Variants in RUVBL2 observed in about 807,000 individuals in gnomAD.
The protein encoded by RUVBL2 is ruvB-like 2.
Under a neutral mutation model 57.9 loss-of-function variants are expected in RUVBL2, and 9 were observed. The observed-to-expected ratio is 0.16, with a 90% CI of 0.09 to 0.27. The LOEUF (loss-of-function observed/expected upper bound fraction) is 0.27. Ranked by LOEUF, RUVBL2 falls within the 10% of genes least tolerant of loss-of-function variation. RUVBL2 has a pLI of 1.00. For synonymous variants in RUVBL2, 278 were observed against 264.6 expected, an observed-to-expected ratio of 1.05 and a Z score of -0.49; for missense variants, 456 against 669.6, an observed-to-expected ratio of 0.68 and a Z score of 3.52.
At chr19:49,015,204 T>C in intron 13 of RUVBL2, 54 bp downstream of exon 13, 1 of 1,583,702 alleles carries the variant, frequency 6.3e-7, no homozygotes, top group Non-Finnish European at 8.6e-7. Flanking sequence ...AGTGACACAG[T>C]ACTTCAGGGG....
chr19:49,010,467 T>TGGCGCCCC, intron 8 of RUVBL2, 21 bp from the exon 9 acceptor site: 1 of 1,401,208 alleles, frequency 7.1e-7, no homozygotes, highest in South Asian at 1.2e-5. Context: ...CCGCCGTTCT[T>TGGCGCCCC]CCCCCACCCC....
At position 49,011,115 on chromosome 19, in the gene RUVBL2, G is replaced by T. The variant is rs375746995; in HGVS notation, c.882+22G>T. 1 of 1,608,826 alleles carries T rather than the reference G, an allele frequency of 6.2e-7. No homozygotes were observed. The highest frequency in any genetic ancestry group is 8.5e-7 in the Non-Finnish European group (1 of 1,177,632). ...TGGAGTGAGGACCCAGGACATGGCCGGGGCGGGTGGTGGGGTGGAGGTGGG... is the reference window on the plus strand; with the variant it reads ...TGGAGTGAGGACCCAGGACATGGCCTGGGCGGGTGGTGGGGTGGAGGTGGG... On this transcript the variant is annotated intron_variant, in intron 10 of 14. Transcript: ENST00000595090. This position sits in a 1 kb window ranked among gnomAD's most constrained non-coding sequence, Gnocchi z 4.4.
chr19:49,001,364 G>A (rs1256477752), intron 2 of RUVBL2: 2 of 150,948 alleles, frequency 1.3e-5, no homozygotes, highest in East Asian at 2.0e-4. Context: ...GAGTTTCCCC[G>A]TGTTAGCCAG....
intron 1 of RUVBL2, among the ~76,000 whole-genome samples, chr19:48,998,731 A>G (rs2039116248): frequency 6.7e-6 from 1 of 149,476 alleles, no homozygotes; most frequent in Non-Finnish European, 1.5e-5. Flanking sequence ...AAAAAAAAAG[A>G]AATGGGGAGG....
intron 2 of RUVBL2, chr19:49,001,513 C>T (rs1370525245): frequency 6.6e-6 from 1 of 151,348 alleles, no homozygotes; most frequent in South Asian, 2.1e-4. Context: ...AGCCAAGCAC[C>T]GCTTGTGAGC....
Position 49,007,351 on chromosome 19 carries a change from C to G in RUVBL2, c.445C>G (p.Arg149Gly), listed in dbSNP as rs1422846916. 1 of 1,613,950 alleles carries G rather than the reference C, an allele frequency of 6.2e-7. No individual in the cohort carries two copies. Among genetic ancestry groups the G allele is most frequent in the Non-Finnish European group, 8.5e-7 (1 of 1,179,968 alleles). The stretch of plus-strand genomic sequence containing the variant: ...GGAGGTGGTGGAGATCCAGATTGAT[C>G]GACCAGCAACAGGGACGGTGAGTCT... ...EGEVVEIQID[R>G]PATGTGSKVG... The change falls in exon 6 of 15, where the codon CGA becomes GGA. Residue 149 changes from arginine (R) to glycine (G), a missense_variant. Arg to Gly is a moderately radical substitution (Grantham distance 125, BLOSUM62 -2). Coordinates refer to ENST00000595090, the MANE Select transcript of RUVBL2 (RefSeq NM_006666.3).
rs753904077 is a variant in RUVBL2 at position 49,007,062 on chromosome 19, G to A, written c.310G>A (p.Ala104Thr). The A allele has an allele frequency of 8.7e-6, 14 of 1,613,032 alleles. No homozygotes were observed. In the Admixed American group the frequency reaches 1.2e-4, roughly 13 times the overall value. The stretch of plus-strand genomic sequence containing the variant: ...CCCTGACACGCCATTCACAGCCATC[G>A]CCGGCAGTGAAATCTTCTCCCTGGA... ...LGPDTPFTAI[A>T]GSEIFSLEMS... Residue 104 changes from alanine to threonine, a missense_variant, in exon 5 of 15, where the codon GCC (alanine) becomes ACC (threonine). Ala to Thr is a moderately conservative substitution (Grantham distance 58, BLOSUM62 0). Around this residue, in one of 5 missense-constraint regions of RUVBL2, gnomAD observed 233 missense variants for 306.0 expected, o/e 0.76. Coordinates refer to ENST00000595090, the MANE Select transcript of RUVBL2 (RefSeq NM_006666.3).
upstream of RUVBL2, chr19:48,993,855 C>T (rs147254535): frequency 1.6e-5 from 26 of 1,607,942 alleles, no homozygotes; most frequent in Middle Eastern, 5.0e-4. Flanking sequence ...GGAGCCAGAA[C>T]ATCTCGCTCC....
intron 1 of RUVBL2, 30 bp downstream of exon 1, chr19:48,993,953 C>T (rs771598324): frequency 1.9e-6 from 3 of 1,613,326 alleles, no homozygotes; most frequent in Non-Finnish European, 2.5e-6. Context: ...GGGTGAGGAG[C>T]GAGCTAGCAG....
chr19:48,996,203 C>G lies in RUVBL2; in HGVS notation c.12+2280C>G, dbSNP rs982081204. 4.9e-4 allele frequency among the ~76,000 whole-genome samples: 75 copies of G among 152,054 alleles called. 2 individuals are homozygous for G. Among genetic ancestry groups the G allele is most frequent in the South Asian group, 4.1e-4 (2 of 4,824 alleles). ...GGAAGGAGACCTGGGGATGGGTGGCCTCGGTTAGCATGCTAGCTTCTTAGG... is the reference window on the plus strand; with the variant it reads ...GGAAGGAGACCTGGGGATGGGTGGCGTCGGTTAGCATGCTAGCTTCTTAGG... On this transcript the variant is annotated intron_variant, in intron 1 of 14. Transcript: ENST00000595090.
intron 9 of RUVBL2, 88 bp from the exon 10 acceptor site, chr19:49,010,911 G>A (rs2039411150): frequency 6.7e-6 from 8 of 1,187,206 alleles, no homozygotes; most frequent in Admixed American, 2.0e-5. Context: ...CTCCATCCCT[G>A]GCATCATCCT....
intron 8 of RUVBL2, 125 bp from the exon 9 acceptor site, chr19:49,010,363 C>T (rs2039389582): frequency 1.0e-6 from 1 of 991,104 alleles, no homozygotes; most frequent in South Asian, 1.5e-5. Flanking sequence ...TCCAGATGAC[C>T]CCATTTAGCC....
intron 11 of RUVBL2, among the ~76,000 whole-genome samples, chr19:49,013,468 T>G (rs548321564): frequency 3.5e-4 from 54 of 152,210 alleles, no homozygotes; most frequent in African/African-American, 1.2e-3. Context: ...AAGTGCTGTC[T>G]AGTATCCTAA....
In RUVBL2 at chr19:49,014,627, G is replaced by A. The variant is rs748921837; in HGVS notation, c.1121+24G>A. 42 of 1,613,182 alleles carry A rather than the reference G, an allele frequency of 2.6e-5. 1 individual carries two copies. The East Asian group carries it at 2.9e-4, about 11-fold the overall frequency. On this transcript the variant is annotated intron_variant, in intron 12 of 14. Transcript: ENST00000595090. The stretch of plus-strand genomic sequence containing the variant: ...CGGTGCGGGCAGGACCAGGCCGTGC[G>A]CCTGAGACGCAGGGCTGGGGTCTAC...
At position 49,003,406 on chromosome 19, in the gene RUVBL2, G is replaced by C. The variant is rs2039221615; in HGVS notation, c.123+72G>C. On this transcript the variant is annotated intron_variant, in intron 3 of 14. Transcript: ENST00000595090. ...TGGGTAGTGGGTACCCAGGGTCCTG[G>C]GGAGTGTGGGGACTATGTTACGGTC... The C allele has an allele frequency of 2.2e-6, 3 of 1,359,720 alleles. No individual in the cohort carries two copies. The South Asian group carries it at 3.5e-5, about 16-fold the overall frequency. 84.2% of individuals were successfully genotyped at this position (1,359,720 alleles called of 1,614,324 possible). A position where few individuals can be genotyped will look rare whatever the true frequency, so the allele number is the denominator to read the frequency against.
chr19:48,999,464 G>A, intron 2 of RUVBL2, 91 bp downstream of exon 2: 1 of 1,346,912 alleles, frequency 7.4e-7, no homozygotes, highest in Non-Finnish European at 1.1e-6. Context: ...AGATGGAGAG[G>A]GAGGTGGCCT....
rs757996082 is a variant in RUVBL2 at position 49,015,834 on chromosome 19, ACCT to A, written c.1388_1390del (p.Ser463del). On this transcript the variant is annotated inframe_deletion, in exon 15 of 15. Coordinates refer to ENST00000595090, the MANE Select transcript of RUVBL2 (RefSeq NM_006666.3). Reference sequence around the variant, plus strand: ...CCCCACAGAAGGCGAGACCATGGACACCTCCTGAGTTGGATGTCATCCCCCGAC... The same window carrying A: ...CCCCACAGAAGGCGAGACCATGGACACCTGAGTTGGATGTCATCCCCCGAC... 1 of 1,613,888 alleles carries A rather than the reference ACCT, an allele frequency of 6.2e-7. No homozygotes were observed. The highest frequency in any genetic ancestry group is 1.3e-5 in the African/African-American group (1 of 74,940).
At chr19:48,997,971 T>A (rs560765387) in intron 1 of RUVBL2, among the ~76,000 whole-genome samples, 84 of 152,328 alleles carry the variant, frequency 5.5e-4, no homozygotes, top group African/African-American at 1.9e-3. Flanking sequence ...AGAGTATCAC[T>A]TAGCAAACCA....
intron 13 of RUVBL2, 182 bp downstream of exon 13, chr19:49,015,332 C>G (rs2039524255): frequency 3.7e-6 from 3 of 810,442 alleles, no homozygotes; most frequent in Non-Finnish European, 5.8e-6. Context: ...GTAAATCTCT[C>G]TTGACTTAAG....
Sources: allele counts gnomAD v4.1 joint callset (sites outside exome capture counted in the v4.1 genomes callset), GRCh38; gene constraint gnomAD v4.1.1; regional missense constraint gnomAD v4.1.1; non-coding constraint Gnocchi (gnomAD v3.1); transcripts MANE v1.5; gene names NCBI Gene and HGNC (gene_info 2026-07-23, HGNC 2026-07-21).